PRKD3: variants seen among roughly 807,000 people sequenced by gnomAD.
The protein encoded by PRKD3 is protein kinase D3, also known as serine/threonine-protein kinase D3.
Under a neutral mutation model 99.2 loss-of-function variants are expected in PRKD3, and 47 were observed. The observed-to-expected ratio is 0.47, with a 90% CI of 0.38 to 0.60. The LOEUF is 0.60. Ranked by LOEUF, PRKD3 falls within the 20% of genes least tolerant of loss-of-function variation. The pLI, the probability that PRKD3 is intolerant of heterozygous loss-of-function variation, is 0.00. For synonymous variants in PRKD3, 392 were observed against 355.4 expected, an observed-to-expected ratio of 1.10 and a Z score of -1.16; for missense variants, 1,019 against 1,088.4, an observed-to-expected ratio of 0.94 and a Z score of 0.90.
At chr2:37,319,645 G>A (rs1468029139) in intron 1 of PRKD3, among the ~76,000 whole-genome samples, 1 of 151,982 alleles carries the variant, frequency 6.6e-6, no homozygotes, top group Non-Finnish European at 1.5e-5. Flanking sequence ...CAAAGCTAAT[G>A]CCCTAGGTCA....
At chr2:37,320,705 T>C (rs1671849376) in intron 1 of PRKD3, among the ~76,000 whole-genome samples, 1 of 152,198 alleles carries the variant, frequency 6.6e-6, no homozygotes, top group Non-Finnish European at 1.5e-5. Flanking sequence ...GTGCTGGGAT[T>C]ACAGGCGTGA....
At chr2:37,255,818 C>T (rs1179492994) in intron 17 of PRKD3, among the ~76,000 whole-genome samples, 1 of 152,078 alleles carries the variant, frequency 6.6e-6, no homozygotes, top group African/African-American at 2.4e-5. Context: ...CCAGCCTGGG[C>T]AACATAGTGG....
intron 16 of PRKD3, among the ~76,000 whole-genome samples, chr2:37,257,254 G>C (rs1231763695): frequency 6.6e-6 from 1 of 152,064 alleles, no homozygotes; most frequent in Non-Finnish European, 1.5e-5. Context: ...TCTATCATTT[G>C]TCTTGTAAGA....
At chr2:37,272,869 G>C (rs567486248) in intron 11 of PRKD3, among the ~76,000 whole-genome samples, 1 of 152,066 alleles carries the variant, frequency 6.6e-6, no homozygotes, top group South Asian at 2.1e-4. Context: ...GGTAGTCCTA[G>C]CTACTCAGGA....
At chr2:37,289,563 ATT>A in intron 4 of PRKD3, 50 bp from the exon 5 acceptor site, 1 of 1,437,888 alleles carries the variant, frequency 7.0e-7, no homozygotes, top group Non-Finnish European at 9.4e-7. Flanking sequence ...AAAATTTACT[ATT>A]TAAGTGTGAT....
At chr2:37,303,416 C>T (rs923067135) in intron 2 of PRKD3, among the ~76,000 whole-genome samples, 5 of 152,188 alleles carry the variant, frequency 3.3e-5, no homozygotes, top group Admixed American at 2.6e-4. Context: ...AAGGCGCCCA[C>T]TGAGCTGATA....
In PRKD3 at chr2:37,297,314, T is replaced by C. The variant is rs1670717258; in HGVS notation, c.289-4043A>G. Among the ~76,000 whole-genome samples, 3 of 152,202 alleles carry C rather than the reference T, an allele frequency of 2.0e-5. No homozygotes were observed. The South Asian group carries it at 6.2e-4, about 31-fold the overall frequency. Reference sequence around the variant, plus strand: ...AAAATATTATTCAATGTATGTATTGTATATACTCTTTAAAAATAATCTATT... The same window carrying C: ...AAAATATTATTCAATGTATGTATTGCATATACTCTTTAAAAATAATCTATT... On this transcript the variant is annotated intron_variant, in intron 2 of 18. Transcript: ENST00000234179.
chr2:37,269,218 C>A, intron 13 of PRKD3: 1 of 197,156 alleles, frequency 5.1e-6, no homozygotes, highest in African/African-American at 2.3e-5. Context: ...GGTTTTCAGA[C>A]TTAATAGAAC....
At chr2:37,281,752 GTTAA>G (rs1411092338) in intron 7 of PRKD3, among the ~76,000 whole-genome samples, 1 of 152,124 alleles carries the variant, frequency 6.6e-6, no homozygotes, top group Non-Finnish European at 1.5e-5. Context: ...AAGAGAAAAT[GTTAA>G]TTAAACTCTC....
intron 1 of PRKD3, chr2:37,324,232 T>C: frequency 1.0e-6 from 1 of 985,460 alleles, no homozygotes; most frequent in Non-Finnish European, 1.2e-6. Context: ...AGTGAGGAAA[T>C]GAAACGAAAA....
At chr2:37,290,413 T>C (rs1324422816) in intron 4 of PRKD3, among the ~76,000 whole-genome samples, 1 of 152,138 alleles carries the variant, frequency 6.6e-6, no homozygotes, top group Non-Finnish European at 1.5e-5. Flanking sequence ...TTTGTATCTT[T>C]AGTAGAGACA....
intron 17 of PRKD3, 34 bp downstream of exon 17, chr2:37,256,628 A>ATTTTTTTTTTTTT (rs56389006): frequency 1.7e-6 from 2 of 1,202,288 alleles, no homozygotes; most frequent in East Asian, 6.3e-5. Flanking sequence ...CATAGCCAAA[A>ATTTTTTTTTTTTT]TTTTTTTTTT....
intron 1 of PRKD3, 31 bp from the exon 2 acceptor site, chr2:37,317,210 A>T (rs1010170022): frequency 8.4e-6 from 7 of 830,830 alleles, no homozygotes; most frequent in Non-Finnish European, 1.0e-5. Context: ...GGTTTTTAAT[A>T]CTTTATATTC....
chr2:37,293,063 C>G, intron 3 of PRKD3, 70 bp downstream of exon 3: 1 of 1,360,300 alleles, frequency 7.4e-7, no homozygotes, highest in Non-Finnish European at 1.0e-6. Context: ...AATCGAATTG[C>G]AGCATTTAGT....
At chr2:37,266,844 G>A (rs10197287) in intron 14 of PRKD3, among the ~76,000 whole-genome samples, 10,232 of 152,040 alleles carry the variant, frequency 0.067, 385 homozygotes, top group South Asian at 0.082. Context: ...ACTATATAAC[G>A]TACATTTGCA....
intron 14 of PRKD3, among the ~76,000 whole-genome samples, chr2:37,266,116 C>T (rs1668820191): frequency 6.6e-6 from 1 of 152,124 alleles, no homozygotes. Context: ...AGGAGACAGC[C>T]TTGATATGAC....
At chr2:37,294,869 G>A (rs2124851681) in intron 2 of PRKD3, among the ~76,000 whole-genome samples, 1 of 152,304 alleles carries the variant, frequency 6.6e-6, no homozygotes, top group African/African-American at 2.4e-5. Flanking sequence ...GAGGTCAGGA[G>A]TTTGAGACCA....
At chr2:37,275,974 A>G (rs980010463) in intron 9 of PRKD3, 130 bp from the exon 10 acceptor site, 1 of 1,256,304 alleles carries the variant, frequency 8.0e-7, no homozygotes, top group Non-Finnish European at 1.1e-6. Context: ...ATGAGGTTCA[A>G]AATTCTCAAG....
chr2:37,283,937 G>A (rs1669973999), intron 6 of PRKD3, among the ~76,000 whole-genome samples: 1 of 148,410 alleles, frequency 6.7e-6, no homozygotes, highest in Non-Finnish European at 1.5e-5. Context: ...AGCCGAATTT[G>A]TGGACTACCT....
Sources: gnomAD v4.1 joint callset for allele counts (sites outside exome capture counted in the v4.1 genomes callset) on GRCh38, gnomAD v4.1.1 for gene constraint, MANE v1.5 for transcripts, NCBI Gene and HGNC (gene_info 2026-07-23, HGNC 2026-07-21) for gene names.